The following ACOXL variants were observed in gnomAD, a reference collection of about 807,000 sequenced individuals.
ACOXL encodes acyl-coenzyme A oxidase-like protein.
In ACOXL, 70 loss-of-function variants were observed where a neutral mutation model predicts 71.9. That is an observed-to-expected ratio of 0.97 (90% CI 0.80 to 1.19). ACOXL has a LOEUF of 1.19. Ranked by LOEUF, ACOXL falls within the 50% of genes most tolerant of loss-of-function variation. The pLI is 0.00. For missense variants in ACOXL, 703 were observed against 736.3 expected, an observed-to-expected ratio of 0.95 and a Z score of 0.52; for synonymous variants, 253 against 281.6, an observed-to-expected ratio of 0.90 and a Z score of 1.02.
At chr2:110,967,506 C>T (rs542354572) in intron 12 of ACOXL, among the ~76,000 whole-genome samples, 2 of 152,170 alleles carry the variant, frequency 1.3e-5, no homozygotes, top group Non-Finnish European at 2.9e-5. Context: ...GGCAAAGAGA[C>T]CTAAATGGAG....
chr2:110,973,627 T>C (rs780095673), intron 12 of ACOXL, among the ~76,000 whole-genome samples: 6 of 152,222 alleles, frequency 3.9e-5, no homozygotes, highest in Non-Finnish European at 4.4e-5. Context: ...TATTTTGTTA[T>C]AGCAGCCTGA....
At chr2:110,945,849 T>G (rs1279669775) in intron 12 of ACOXL, among the ~76,000 whole-genome samples, 1 of 152,226 alleles carries the variant, frequency 6.6e-6, no homozygotes, top group Non-Finnish European at 1.5e-5. Flanking sequence ...CCGTATGAAT[T>G]TTAAACTAGT....
At chr2:110,796,083 C>G (rs1685248351) in intron 5 of ACOXL, 1 of 152,042 alleles carries the variant, frequency 6.6e-6, no homozygotes, top group East Asian at 1.9e-4. Context: ...ATGTATTTCT[C>G]CCTTCACTGG....
chr2:110,777,080 A>G (rs1240441306), intron 2 of ACOXL, among the ~76,000 whole-genome samples: 1 of 152,158 alleles, frequency 6.6e-6, no homozygotes, highest in African/African-American at 2.4e-5. Flanking sequence ...GTCACCGTAT[A>G]CTGGGTGGGA....
At chr2:110,831,654 G>C (rs143598264) in intron 9 of ACOXL, among the ~76,000 whole-genome samples, 1 of 152,156 alleles carries the variant, frequency 6.6e-6, no homozygotes, top group Non-Finnish European at 1.5e-5. Context: ...GAATAAAGTA[G>C]GTAGAATCAG....
intron 10 of ACOXL, among the ~76,000 whole-genome samples, chr2:110,899,174 G>A (rs1293582787): frequency 6.6e-6 from 1 of 152,194 alleles, no homozygotes; most frequent in Non-Finnish European, 1.5e-5. Flanking sequence ...CTTTGAGACT[G>A]TGGATTGAGA....
intron 10 of ACOXL, among the ~76,000 whole-genome samples, chr2:110,892,010 A>G (rs1697983919): frequency 6.6e-6 from 1 of 152,146 alleles, no homozygotes; most frequent in Non-Finnish European, 1.5e-5. Flanking sequence ...ACAAAAACTC[A>G]GATGACCTTG....
chr2:110,950,810 GGA>G lies in ACOXL; in HGVS notation c.1059+17192_1059+17193del, dbSNP rs71383892. On this transcript the variant is annotated intron_variant, in intron 12 of 17. Coordinates refer to ENST00000439055, the MANE Select transcript of ACOXL (RefSeq NM_001142807.4). ...ATCTTAAGGAGGAAGGGTGGGGGGT[GGA>G]GAGAGAGAGAGAGAGAGAGAGAGGG... 7.8e-3 allele frequency among the ~76,000 whole-genome samples: 1,105 copies of G among 142,350 alleles called. 12 individuals carry two copies. The highest frequency in any genetic ancestry group is 0.021 in the African/African-American group (815 of 38,194). 93.4% of individuals were successfully genotyped at this position (142,350 alleles called of 152,430 possible).
chr2:110,943,394 A>G (rs991952373), intron 12 of ACOXL, among the ~76,000 whole-genome samples: 1 of 152,110 alleles, frequency 6.6e-6, no homozygotes, highest in Non-Finnish European at 1.5e-5. Flanking sequence ...GCTCTGAGCA[A>G]TTGGGTGGAC....
At chr2:110,816,170 CGGAT>C (rs1687893029) in intron 9 of ACOXL, among the ~76,000 whole-genome samples, 1 of 147,472 alleles carries the variant, frequency 6.8e-6, no homozygotes, top group Non-Finnish European at 1.5e-5. Flanking sequence ...CATGGATGGA[CGGAT>C]GGATGGATAG....
Position 110,860,981 on chromosome 2 carries a change from A to G in ACOXL, c.788+19576A>G, listed in dbSNP as rs568944326. On this transcript the variant is annotated intron_variant, in intron 10 of 17. Coordinates refer to ENST00000439055, the MANE Select transcript of ACOXL (RefSeq NM_001142807.4). ...TCCTACAAGAGCTTCTAGGAGTAAC[A>G]AGGCATACGCCTGTAATCCCAGCTA... 5.9e-5 allele frequency among the ~76,000 whole-genome samples: 9 copies of G among 152,302 alleles called. 1 individual carries two copies. In the South Asian group the frequency reaches 1.2e-3, roughly 21 times the overall value.
At chr2:111,097,863 C>G (rs1206910461) in intron 17 of ACOXL, among the ~76,000 whole-genome samples, 2 of 152,098 alleles carry the variant, frequency 1.3e-5, no homozygotes. Flanking sequence ...CAGAAGAATC[C>G]CAAATAATAT....
intron 2 of ACOXL, among the ~76,000 whole-genome samples, chr2:110,782,507 A>G (rs776572878): frequency 6.6e-6 from 1 of 152,360 alleles, no homozygotes; most frequent in Non-Finnish European, 1.5e-5. Context: ...TCAACATCAG[A>G]GAATTAATAG....
At chr2:110,769,223 GAAAAAAGA>G (rs749742920) in intron 2 of ACOXL, among the ~76,000 whole-genome samples, 14 of 135,470 alleles carry the variant, frequency 1.0e-4, no homozygotes, top group African/African-American at 3.5e-4. Context: ...TTAGCCTCAT[GAAAAAAGA>G]AAGAAAGAAA....
chr2:110,833,729 T>C (rs1460205818), intron 9 of ACOXL, among the ~76,000 whole-genome samples: 32 of 152,246 alleles, frequency 2.1e-4, no homozygotes, highest in Admixed American at 2.1e-3. Context: ...GCAGTTGCTG[T>C]TGTATTTCAT....
intron 17 of ACOXL, among the ~76,000 whole-genome samples, chr2:111,097,679 G>A (rs1375078864): frequency 6.6e-6 from 1 of 152,200 alleles, no homozygotes; most frequent in Admixed American, 6.5e-5. Context: ...GACACAGGAA[G>A]GAGCCAACTG....
intron 10 of ACOXL, among the ~76,000 whole-genome samples, chr2:110,877,394 G>A (rs948227706): frequency 6.6e-5 from 10 of 152,346 alleles, no homozygotes; most frequent in African/African-American, 2.4e-4. Context: ...TGCGGCCCGT[G>A]TGCTTGCTTT....
chr2:110,893,312 G>A (rs1255346439), intron 10 of ACOXL, among the ~76,000 whole-genome samples: 3 of 151,872 alleles, frequency 2.0e-5, no homozygotes, highest in East Asian at 3.9e-4. Context: ...AGCTATGGAC[G>A]ATTTGAAGAA....
At chr2:111,108,278 C>T (rs1423188160) in intron 17 of ACOXL, among the ~76,000 whole-genome samples, 1 of 151,154 alleles carries the variant, frequency 6.6e-6, no homozygotes, top group Non-Finnish European at 1.5e-5. Flanking sequence ...TTGGCAATCT[C>T]ATGTTGGTTC....
Sources: gnomAD v4.1 joint callset for allele counts (sites outside exome capture counted in the v4.1 genomes callset) on GRCh38, gnomAD v4.1.1 for gene constraint, MANE v1.5 for transcripts, NCBI Gene and HGNC (gene_info 2026-07-23, HGNC 2026-07-21) for gene names.